The following SLCO6A1 variants were observed in gnomAD, a reference collection of about 807,000 sequenced individuals.
SLCO6A1 encodes the protein solute carrier organic anion transporter family member 6A1.
A neutral mutation model predicts 72.7 loss-of-function variants in SLCO6A1; 65 were observed. That is an observed-to-expected ratio of 0.89 (90% CI 0.73 to 1.10). SLCO6A1 has a LOEUF of 1.10. SLCO6A1 is among the 50% of genes least tolerant of loss of function. SLCO6A1 has a pLI of 0.00. For synonymous variants in SLCO6A1, 314 were observed against 298.2 expected, an observed-to-expected ratio of 1.05 and a Z score of -0.55; for missense variants, 874 against 872.6, an observed-to-expected ratio of 1.00 and a Z score of -0.02.
chr5:102,440,434 G>C (rs1749773065), intron 6 of SLCO6A1, among the ~76,000 whole-genome samples: 1 of 152,142 alleles, frequency 6.6e-6, no homozygotes, highest in South Asian at 2.1e-4. Flanking sequence ...CTGTTTATCT[G>C]TCACTATCTC....
At chr5:102,442,351 A>C (rs1044805660) in intron 6 of SLCO6A1, among the ~76,000 whole-genome samples, 4 of 152,204 alleles carry the variant, frequency 2.6e-5, no homozygotes, top group African/African-American at 7.2e-5. Flanking sequence ...TTTTGGAAAA[A>C]TTACTCATTC....
intron 6 of SLCO6A1, among the ~76,000 whole-genome samples, chr5:102,442,911 A>C (rs1749920086): frequency 6.6e-6 from 1 of 151,954 alleles, no homozygotes; most frequent in Non-Finnish European, 1.5e-5. Flanking sequence ...AAAATACAAA[A>C]ATTAGGCTGG....
intron 9 of SLCO6A1, among the ~76,000 whole-genome samples, chr5:102,412,139 C>T (rs533802382): frequency 6.6e-6 from 1 of 152,088 alleles, no homozygotes; most frequent in East Asian, 1.9e-4. Flanking sequence ...AGCCCTACCC[C>T]AAAACCCTAC....
intron 8 of SLCO6A1, among the ~76,000 whole-genome samples, chr5:102,418,297 T>C (rs939581716): frequency 6.6e-6 from 1 of 152,120 alleles, no homozygotes; most frequent in Non-Finnish European, 1.5e-5. Flanking sequence ...TTGATTACAA[T>C]GTGTTATGGT....
intron 7 of SLCO6A1, among the ~76,000 whole-genome samples, chr5:102,425,220 T>C (rs961758288): frequency 2.6e-5 from 4 of 152,176 alleles, no homozygotes; most frequent in Admixed American, 6.5e-5. Flanking sequence ...AAGACAAGGA[T>C]GCCCTCTCGC....
chr5:102,428,765 T>A (rs774917967), intron 7 of SLCO6A1, among the ~76,000 whole-genome samples: 17 of 152,156 alleles, frequency 1.1e-4, no homozygotes, highest in Non-Finnish European at 2.1e-4. Context: ...AACATATGCA[T>A]GCATGTGTCT....
At chr5:102,477,086 C>T (rs1050790035) in intron 3 of SLCO6A1, among the ~76,000 whole-genome samples, 1 of 152,040 alleles carries the variant, frequency 6.6e-6, no homozygotes, top group African/African-American at 2.4e-5. Context: ...AATGTACATA[C>T]ATATACATAA....
chr5:102,463,424 C>G (rs1476511253), intron 4 of SLCO6A1, among the ~76,000 whole-genome samples: 1 of 152,162 alleles, frequency 6.6e-6, no homozygotes, highest in South Asian at 2.1e-4. Flanking sequence ...TACTGGGTAT[C>G]TACCCAGAAC....
intron 1 of SLCO6A1, among the ~76,000 whole-genome samples, chr5:102,494,750 C>T (rs1415764573): frequency 6.6e-6 from 1 of 152,110 alleles, no homozygotes; most frequent in Admixed American, 6.5e-5. Context: ...ACTGACAATA[C>T]CAACTATTAA....
intron 8 of SLCO6A1, 130 bp downstream of exon 8, chr5:102,419,696 C>G: frequency 1.4e-6 from 1 of 734,886 alleles, no homozygotes; most frequent in Non-Finnish European, 2.1e-6. Flanking sequence ...CTTTATATTT[C>G]TTTTATGTGT....
intron 10 of SLCO6A1, among the ~76,000 whole-genome samples, chr5:102,392,103 T>C (rs531366096): frequency 2.0e-5 from 3 of 152,212 alleles, no homozygotes; most frequent in South Asian, 4.1e-4. Flanking sequence ...ATGACCAATA[T>C]TTCATCCAAC....
In SLCO6A1 at chr5:102,451,276, C is replaced by A. The variant is rs141310017; in HGVS notation, c.1131+7106G>T. Among the ~76,000 whole-genome samples, 1,290 of 152,268 alleles carry A rather than the reference C, an allele frequency of 8.5e-3. 21 individuals carry two copies. The highest frequency in any genetic ancestry group is 0.029 in the African/African-American group (1,226 of 41,566). On this transcript the variant is annotated intron_variant, in intron 6 of 13. Transcript: ENST00000506729. ...TCCCAGGGATATACAGAGCTGCTAC[C>A]AGCCTGAGAGCTCAGGCAGGGGTGG...
Position 102,498,910 on chromosome 5 carries a change from C to T in SLCO6A1, c.-66G>A. On this transcript the variant is annotated 5_prime_UTR_variant, in exon 1 of 14. Coordinates refer to ENST00000506729, the MANE Select transcript of SLCO6A1 (RefSeq NM_173488.5). ...TCTCGGCTGCCCGTCCTGCCTGGGC[C>T]AACCCAAAGGCCAGCCTGGCGAGGG... is the stretch of plus-strand genomic sequence containing the variant. 5 of 1,454,534 alleles carry T rather than the reference C, an allele frequency of 3.4e-6. No individual in the cohort carries two copies. Among genetic ancestry groups the T allele is most frequent in the Middle Eastern group, 2.3e-4 (1 of 4,298 alleles). The allele number at this position is 1,454,534 out of a possible 1,614,324, so 90.1% of individuals were successfully genotyped here.
intron 8 of SLCO6A1, 60 bp from the exon 9 acceptor site, chr5:102,413,203 T>C (rs905853191): frequency 2.1e-6 from 3 of 1,442,646 alleles, no homozygotes; most frequent in Non-Finnish European, 1.9e-6. Flanking sequence ...TTGATGCAAA[T>C]GTCAAGATAT....
At chr5:102,377,299 C>A (rs1745853669) in intron 12 of SLCO6A1, among the ~76,000 whole-genome samples, 1 of 152,134 alleles carries the variant, frequency 6.6e-6, no homozygotes, top group African/African-American at 2.4e-5. Context: ...TCAGCAATTT[C>A]TATAAAGCAC....
At chr5:102,416,222 A>C (rs950348942) in intron 8 of SLCO6A1, among the ~76,000 whole-genome samples, 1 of 152,058 alleles carries the variant, frequency 6.6e-6, no homozygotes, top group East Asian at 1.9e-4. Flanking sequence ...ACCAGAGAAA[A>C]ATAAAATAAT....
In SLCO6A1 at chr5:102,480,400, G is replaced by A. The variant is rs6884141; in HGVS notation, c.393C>T (p.Gly131=). The change falls in exon 2 of 14, where the codon GGC becomes GGT. Residue 131 remains glycine, a synonymous_variant. Transcript: ENST00000506729. ...TCAGTTGATATTCCTTCTGAAAATCGCCAATGCTGACATCTATAAGACCAA... is the reference window on the plus strand; with the variant it reads ...TCAGTTGATATTCCTTCTGAAAATCACCAATGCTGACATCTATAAGACCAA... ...VVFGLIDVSI[G]DFQKEYQLKT... is the part of the protein sequence containing the mutation. The A allele has an allele frequency of 0.26, 421,894 of 1,612,174 alleles. 57,531 individuals are homozygous for A. The highest frequency in any genetic ancestry group is 0.29 in the East Asian group (12,828 of 44,752).
chr5:102,412,832 T>C (rs1328695735), intron 9 of SLCO6A1, among the ~76,000 whole-genome samples, 158 bp downstream of exon 9: 4 of 146,496 alleles, frequency 2.7e-5, no homozygotes, highest in Non-Finnish European at 6.0e-5. Flanking sequence ...AAGGGGAAAA[T>C]AAGAAAAAAT....
At position 102,459,745 on chromosome 5, in the gene SLCO6A1, A is replaced by G. The variant is rs1324852898; in HGVS notation, c.932T>C (p.Leu311Pro). ...TTVNNGSPEW[L>P]WTWWINFLFA... Reference sequence around the variant, plus strand: ...AAGAAAATTAATCCACCAAGTCCATAGCCATTCTGGACTACCATTATTGAC... The same window carrying G: ...AAGAAAATTAATCCACCAAGTCCATGGCCATTCTGGACTACCATTATTGAC... Residue 311 changes from leucine to proline, a missense_variant, in exon 5 of 14, where the codon CTA becomes CCA. Physicochemically the swap from Leu to Pro is moderately conservative, Grantham distance 98. Coordinates refer to ENST00000506729, the MANE Select transcript of SLCO6A1 (RefSeq NM_173488.5). The G allele has an allele frequency of 6.2e-7, 1 of 1,608,458 alleles. No homozygotes were observed. The highest frequency in any genetic ancestry group is 1.1e-5 in the South Asian group (1 of 90,176).
Sources: allele counts gnomAD v4.1 joint callset (sites outside exome capture counted in the v4.1 genomes callset), GRCh38; gene constraint gnomAD v4.1.1; transcripts MANE v1.5; gene names NCBI Gene and HGNC (gene_info 2026-07-23, HGNC 2026-07-21).